Variants in CBX2 observed in about 807,000 individuals in gnomAD.
CBX2 encodes chromobox 2.
CBX2 carries 11 observed loss-of-function variants against 21.0 expected under a neutral mutation model. That is an observed-to-expected ratio of 0.52 (90% CI 0.33 to 0.87). The LOEUF (loss-of-function observed/expected upper bound fraction) is 0.87, where lower values mean the gene tolerates loss of function less well. Among genes scored for constraint, CBX2 ranks in the 40% least tolerant of loss-of-function variants. CBX2 has a pLI of 0.02. For missense variants in CBX2, 746 were observed against 724.3 expected (o/e 1.03, Z -0.34); for synonymous variants, 364 against 304.6 (o/e 1.19, Z -2.03).
At chr17:79,783,291 C>T (rs546636597) in intron 4 of CBX2, among the ~76,000 whole-genome samples, 1 of 152,314 alleles carries the variant, frequency 6.6e-6, no homozygotes, top group Admixed American at 6.5e-5. Flanking sequence ...TCCTGACTGC[C>T]TCTCTGGTCT....
In CBX2 at chr17:79,778,268, C is replaced by T. The variant is rs1302495491; in HGVS notation, c.33C>T (p.Val11=). 2.0e-6 allele frequency: 3 copies of T among 1,529,168 alleles called. No homozygotes were observed. The highest frequency in any genetic ancestry group is 2.8e-5 in the African/African-American group (2 of 70,848). 94.7% of individuals were successfully genotyped at this position (1,529,168 alleles called of 1,614,324 possible). ...AGCTGAGCAGCGTGGGCGAGCAGGT[C>T]TTCGCCGCCGAGTGCATCCTGAGCA... MEELSSVGEQ[V]FAAECILSKR... Residue 11 remains valine, a synonymous_variant, in exon 1 of 5, where the codon GTC becomes GTT. Transcript: ENST00000310942. The surrounding 1 kb of genome is among the most constrained non-coding windows in gnomAD (Gnocchi z 4.8).
rs1437224289 is a variant in CBX2 at position 79,779,256 on chromosome 17, C to CATCG, written c.117-105_117-102dup. 3.8e-6 allele frequency: 4 copies of CATCG among 1,056,026 alleles called. No individual in the cohort carries two copies. In the African/African-American group the frequency reaches 6.2e-5, roughly 16 times the overall value. The allele number at this position is 1,056,026 out of a possible 1,614,324, so 65.4% of individuals were successfully genotyped here. A position where few individuals can be genotyped will look rare whatever the true frequency, so the allele number is the denominator to read the frequency against. ...TGCCATGGTGCTACGGTGCCACTGC[C>CATCG]ATCGGCCCAAGTCGAGGAGCGGTGA... On this transcript the variant is annotated intron_variant, in intron 2 of 4. Transcript: ENST00000310942.
intron 4 of CBX2, among the ~76,000 whole-genome samples, chr17:79,782,997 C>T (rs1264991674): frequency 2.5e-4 from 38 of 152,182 alleles, no homozygotes; most frequent in Admixed American, 2.5e-3. Context: ...CTGAAGCCCA[C>T]TTGGTGTAGG....
In CBX2 at chr17:79,781,756, G is replaced by A. The variant is rs1907221140; in HGVS notation, c.243G>A (p.Arg81=). ...GCAAGAGGCCGAGAGGCCGGCCAAG[G>A]AAGCTCACTGCCATGTCCTCCTGCA... ...KRGKRPRGRP[R]KLTAMSSCSR... The change falls in exon 4 of 5, where the codon AGG becomes AGA. Residue 81 remains arginine, a synonymous_variant. Coordinates refer to ENST00000310942, the MANE Select transcript of CBX2 (RefSeq NM_005189.3). 6 of 1,614,132 alleles carry A rather than the reference G, an allele frequency of 3.7e-6. No individual in the cohort carries two copies. The highest frequency in any genetic ancestry group is 5.1e-6 in the Non-Finnish European group (6 of 1,180,034).
chr17:79,783,210 C>T (rs1907364293), intron 4 of CBX2, among the ~76,000 whole-genome samples: 1 of 152,150 alleles, frequency 6.6e-6, no homozygotes, highest in Non-Finnish European at 1.5e-5. Flanking sequence ...TTACGAGCCA[C>T]CTATTTTTCT....
Position 79,782,625 on chromosome 17 carries a change from A to G in CBX2, c.288+824A>G, listed in dbSNP as rs111836327. The G allele has an allele frequency of 6.0e-3, 2,917 of 489,896 alleles. 83 individuals carry two copies. The highest frequency in any genetic ancestry group is 0.056 in the African/African-American group (2,741 of 48,586). The allele number at this position is 489,896 out of a possible 1,614,324, so 30.3% of individuals were successfully genotyped here. The stretch of plus-strand genomic sequence containing the variant: ...AATGAACAGGATTCCCTGCTGTAGA[A>G]TCTTGTTGGCTGGTCTACACTGGCC... On this transcript the variant is annotated intron_variant, in intron 4 of 4. Coordinates refer to ENST00000310942, the MANE Select transcript of CBX2 (RefSeq NM_005189.3).
intron 3 of CBX2, among the ~76,000 whole-genome samples, chr17:79,780,162 T>C (rs2145822063): frequency 6.6e-6 from 1 of 152,270 alleles, no homozygotes; most frequent in East Asian, 1.9e-4. Context: ...AATGGCAAGA[T>C]GGGGGGTGGT....
chr17:79,782,312 G>T, intron 4 of CBX2: 2 of 1,507,276 alleles, frequency 1.3e-6, no homozygotes, highest in Admixed American at 2.0e-5. Context: ...GGCAGAGGCA[G>T]TGTGGGCTGA....
rs1339483559 is a variant in CBX2 at position 79,787,104 on chromosome 17, G to T, written c.*2062G>T. 1 of 152,356 alleles carries T rather than the reference G, an allele frequency of 6.6e-6. No homozygotes were observed. Among genetic ancestry groups the T allele is most frequent in the Admixed American group, 6.5e-5 (1 of 15,286 alleles). The allele number at this position is 152,356 out of a possible 1,614,324, so 9.4% of individuals were successfully genotyped here. A position where few individuals can be genotyped will look rare whatever the true frequency, so the allele number is the denominator to read the frequency against. ...GGGAGAGATTCCAGCTCACTGCGCAGCCTGGGAGGAGGCGTGGATCCTGGC... is the reference window on the plus strand; with the variant it reads ...GGGAGAGATTCCAGCTCACTGCGCATCCTGGGAGGAGGCGTGGATCCTGGC... On this transcript the variant is annotated 3_prime_UTR_variant, in exon 5 of 5. Coordinates refer to ENST00000310942, the MANE Select transcript of CBX2 (RefSeq NM_005189.3).
Position 79,778,584 on chromosome 17 carries a change from CG to C in CBX2, c.116+162del, listed in dbSNP as rs532823529. Reference sequence around the variant, plus strand: ...CGGGCTCCTCCGGCTCTGAGGGGGGCGGGGGCCGCCCGGCCCGAGGTTGCCC... The same window carrying C: ...CGGGCTCCTCCGGCTCTGAGGGGGGCGGGGCCGCCCGGCCCGAGGTTGCCC... On this transcript the variant is annotated intron_variant, in intron 2 of 4. Coordinates refer to ENST00000310942, the MANE Select transcript of CBX2 (RefSeq NM_005189.3). The surrounding 1 kb of genome is among the most constrained non-coding windows in gnomAD (Gnocchi z 4.8). 5.0e-3 allele frequency among the ~76,000 whole-genome samples: 760 copies of C among 151,550 alleles called. 11 individuals carry two copies. Among genetic ancestry groups the C allele is most frequent in the Admixed American group, 0.024 (359 of 15,276 alleles).
rs1471231408 is a variant in CBX2, at chr17:79,785,099, T to C, written c.*57T>C. The C allele has an allele frequency of 2.0e-6, 3 of 1,471,872 alleles. No homozygotes were observed. Among genetic ancestry groups the C allele is most frequent in the Admixed American group, 1.7e-5 (1 of 59,732 alleles). 91.2% of individuals were successfully genotyped at this position (1,471,872 alleles called of 1,614,324 possible). A position where few individuals can be genotyped will look rare whatever the true frequency, so the allele number is the denominator to read the frequency against. ...TCCCCTTCCCTGCCTATGGTGTCGC[T>C]TGGCTAAGTGACTCCCAGCCCAAGC... is the stretch of plus-strand genomic sequence containing the variant. On this transcript the variant is annotated 3_prime_UTR_variant, in exon 5 of 5. Transcript: ENST00000310942.
At position 79,784,414 on chromosome 17, in the gene CBX2, CAG is replaced by C. The variant is rs782614258; in HGVS notation, c.972_973del (p.Gly326ProfsTer86). On this transcript the variant is annotated frameshift_variant, in exon 5 of 5. Transcript: ENST00000310942. LOFTEE classifies it low-confidence loss of function (END_TRUNC). This position sits in a 1 kb window ranked among gnomAD's most constrained non-coding sequence, Gnocchi z 5.9. The stretch of plus-strand genomic sequence containing the variant: ...GCTGTGGAGCAGAAAGTGGGGAACA[CAG>C]GGGGCCCCCCGCACACCCATGGTGC... 1.7e-5 allele frequency: 28 copies of C among 1,611,988 alleles called. No homozygotes were observed. Among genetic ancestry groups the C allele is most frequent in the Admixed American group, 3.3e-5 (2 of 59,880 alleles).
chr17:79,781,357 G>A (rs1273231516), intron 3 of CBX2, among the ~76,000 whole-genome samples: 18 of 152,260 alleles, frequency 1.2e-4, no homozygotes, highest in African/African-American at 4.3e-4. Flanking sequence ...TGTGGCCACC[G>A]AGGCCACTTC....
At chr17:79,777,557 C>A (rs1906808362), upstream of CBX2, among the ~76,000 whole-genome samples, 1 of 152,126 alleles carries the variant, frequency 6.6e-6, no homozygotes, top group Non-Finnish European at 1.5e-5. Flanking sequence ...GCCTCGGCTG[C>A]TGGGGTTTGT....
chr17:79,779,449 G>T (rs767112450), intron 3 of CBX2, 22 bp downstream of exon 3: 10 of 1,501,324 alleles, frequency 6.7e-6, no homozygotes, highest in South Asian at 1.2e-5. Context: ...GACAGCACTG[G>T]GGAGGGTGTG....
chr17:79,781,594 T>C (rs924143250), intron 3 of CBX2, 102 bp from the exon 4 acceptor site: 10 of 1,004,638 alleles, frequency 1.0e-5, no homozygotes, highest in Non-Finnish European at 1.6e-5. Context: ...GGATAAGCTA[T>C]TACAGGCCAA....
rs147398190 is a variant in CBX2, at chr17:79,781,912, A to G, written c.288+111A>G. The G allele has an allele frequency of 3.7e-4, 602 of 1,614,132 alleles. 5 individuals are homozygous for G. The African/African-American group carries it at 7.4e-3, about 20-fold the overall frequency. Reference sequence around the variant, plus strand: ...CAGGAAGGGGGTGGCACTTCTGCCAACAGTCTGTCCCTCTACTCGGAAAAC... The same window carrying G: ...CAGGAAGGGGGTGGCACTTCTGCCAGCAGTCTGTCCCTCTACTCGGAAAAC... On this transcript the variant is annotated intron_variant, in intron 4 of 4. Transcript: ENST00000310942.
Position 79,778,230 on chromosome 17 carries a change from GGCA to G in CBX2, c.-2_1del. The G allele has an allele frequency of 7.0e-7, 1 of 1,426,202 alleles. No individual in the cohort carries two copies. The highest frequency in any genetic ancestry group is 3.1e-5 in the East Asian group (1 of 32,014). The allele number at this position is 1,426,202 out of a possible 1,614,324, so 88.3% of individuals were successfully genotyped here. On this transcript the variant is annotated 5_prime_UTR_variant, in exon 1 of 5. Coordinates refer to ENST00000310942, the MANE Select transcript of CBX2 (RefSeq NM_005189.3). The surrounding 1 kb of genome is among the most constrained non-coding windows in gnomAD (Gnocchi z 4.8). ...GGCGCCGCGGTCGGGCTGGCTGCCG[GGCA>G]GCATGGAGGAGCTGAGCAGCGTGGG...
chr17:79,778,341 C>A lies in CBX2; in HGVS notation c.72+34C>A, dbSNP rs782361027. ...GGCCCGCCGGGCCCCCCGCCCGCCG[C>A]CCGCTGTCCGTCTGGCTCACGGCCC... On this transcript the variant is annotated intron_variant, in intron 1 of 4. Coordinates refer to ENST00000310942, the MANE Select transcript of CBX2 (RefSeq NM_005189.3). The surrounding 1 kb of genome is among the most constrained non-coding windows in gnomAD (Gnocchi z 4.8). 6.4e-7 allele frequency: 1 copy of A among 1,573,806 alleles called. No individual in the cohort carries two copies.
Sources: allele counts gnomAD v4.1 joint callset (sites outside exome capture counted in the v4.1 genomes callset), GRCh38; gene constraint gnomAD v4.1.1; non-coding constraint Gnocchi (gnomAD v3.1); transcripts MANE v1.5; gene names NCBI Gene and HGNC (gene_info 2026-07-23, HGNC 2026-07-21).